The following KLHL8 variants were observed in gnomAD, a reference collection of about 807,000 sequenced individuals.
KLHL8 encodes the protein kelch like family member 8.
KLHL8 carries 38 observed loss-of-function variants against 63.5 expected under a neutral mutation model. The observed-to-expected ratio is 0.60, with a 90% CI of 0.46 to 0.78. The LOEUF (loss-of-function observed/expected upper bound fraction) is 0.78. Ranked by LOEUF, KLHL8 falls within the 30% of genes least tolerant of loss-of-function variation. KLHL8 has a pLI of 0.00. For synonymous variants in KLHL8, 224 were observed against 254.3 expected, an observed-to-expected ratio of 0.88 and a Z score of 1.13; for missense variants, 566 against 752.4, an observed-to-expected ratio of 0.75 and a Z score of 2.90.
At chr4:87,190,197 AAT>A (rs1319193354) in intron 2 of KLHL8, among the ~76,000 whole-genome samples, 1 of 152,148 alleles carries the variant, frequency 6.6e-6, no homozygotes, top group African/African-American at 2.4e-5. Flanking sequence ...CATCTTCTTT[AAT>A]ATCTTTTACT....
chr4:87,211,330 T>C (rs1398434004), intron 1 of KLHL8, among the ~76,000 whole-genome samples: 3 of 152,240 alleles, frequency 2.0e-5, no homozygotes, highest in African/African-American at 4.8e-5. Context: ...AAGTAGGCTA[T>C]ACTCATTATT....
chr4:87,198,967 C>T (rs2110020213), intron 1 of KLHL8, among the ~76,000 whole-genome samples: 1 of 152,262 alleles, frequency 6.6e-6, no homozygotes, highest in South Asian at 2.1e-4. Flanking sequence ...GTGAAGGAAA[C>T]ATAAGATCTA....
chr4:87,163,651 A>G lies in KLHL8; in HGVS notation c.1740-9T>C, dbSNP rs755419279. 2 of 1,611,678 alleles carry G rather than the reference A, an allele frequency of 1.2e-6. No individual in the cohort carries two copies. The highest frequency in any genetic ancestry group is 1.7e-6 in the Non-Finnish European group (2 of 1,179,408). ...ATCCAACAAGCTCCCACCTGAAAAG[A>G]CGGAGAAGAAAAAATGTTACAAAGC... On this transcript the variant is annotated splice_polypyrimidine_tract_variant and intron_variant, in intron 9 of 9. Coordinates refer to ENST00000273963, the MANE Select transcript of KLHL8 (RefSeq NM_020803.5).
intron 1 of KLHL8, among the ~76,000 whole-genome samples, chr4:87,233,112 T>C (rs886346452): frequency 6.6e-6 from 1 of 152,076 alleles, no homozygotes; most frequent in Non-Finnish European, 1.5e-5. Flanking sequence ...TGATCTTGGC[T>C]CACTGCAACC....
At chr4:87,175,175 CAAAAT>C (rs1388636326) in intron 6 of KLHL8, among the ~76,000 whole-genome samples, 2 of 152,116 alleles carry the variant, frequency 1.3e-5, no homozygotes, top group Non-Finnish European at 2.9e-5. Context: ...AACATCCACC[CAAAAT>C]AAATTTTTAA....
intron 2 of KLHL8, among the ~76,000 whole-genome samples, chr4:87,191,589 T>C (rs1314583591): frequency 2.0e-5 from 3 of 152,118 alleles, no homozygotes; most frequent in African/African-American, 2.4e-5. Flanking sequence ...TATATATACA[T>C]ATTTTGCTTT....
At chr4:87,228,159 A>G (rs1733067160) in intron 1 of KLHL8, among the ~76,000 whole-genome samples, 3 of 152,206 alleles carry the variant, frequency 2.0e-5, no homozygotes, top group Admixed American at 2.0e-4. Context: ...GGACCCTCTC[A>G]GATCTCACCC....
intron 8 of KLHL8, chr4:87,167,495 G>C (rs1258718902): frequency 1.9e-6 from 1 of 533,034 alleles, no homozygotes; most frequent in African/African-American, 1.9e-5. Context: ...GAGGCTGGGA[G>C]CAATTTACCA....
upstream of KLHL8, among the ~76,000 whole-genome samples, chr4:87,224,214 T>G (rs1317225835): frequency 6.6e-6 from 1 of 152,110 alleles, no homozygotes. Context: ...CCTCCCAAAG[T>G]GCTGGGATTA....
In KLHL8 at chr4:87,183,267, C is replaced by G; in HGVS notation, c.888G>C (p.Leu296Phe). The G allele has an allele frequency of 6.2e-7, 1 of 1,613,832 alleles. No individual in the cohort carries two copies. Among genetic ancestry groups the G allele is most frequent in the Non-Finnish European group, 8.5e-7 (1 of 1,179,854 alleles). ...LDEARNYHLH[L>F]SSRAVPDFEY... The stretch of plus-strand genomic sequence containing the variant: ...CAAAGTCAGGTACTGCTCTGCTACT[C>G]AAGTGAAGGTGGTAATTTCTTGCTT... Residue 296 changes from leucine (L) to phenylalanine (F), a missense_variant, in exon 4 of 10, where the codon TTG becomes TTC. Leu to Phe is a conservative substitution (Grantham distance 22, BLOSUM62 0). Coordinates refer to ENST00000273963, the MANE Select transcript of KLHL8 (RefSeq NM_020803.5).
intron 6 of KLHL8, among the ~76,000 whole-genome samples, chr4:87,172,056 G>A (rs954167862): frequency 1.3e-5 from 2 of 152,128 alleles, no homozygotes; most frequent in African/African-American, 4.8e-5. Flanking sequence ...TTACTCTCAT[G>A]ACTATGCTAC....
chr4:87,176,649 G>A, intron 6 of KLHL8, 108 bp downstream of exon 6: 1 of 652,780 alleles, frequency 1.5e-6, no homozygotes, highest in Middle Eastern at 3.4e-4. Flanking sequence ...TGTTTGAGAA[G>A]GTATTTAAAG....
At chr4:87,238,889 A>G (rs1733281279) in intron 1 of KLHL8, among the ~76,000 whole-genome samples, 1 of 152,166 alleles carries the variant, frequency 6.6e-6, no homozygotes, top group Non-Finnish European at 1.5e-5. Flanking sequence ...ATCTGCCTAT[A>G]TTTTATCATT....
intron 6 of KLHL8, among the ~76,000 whole-genome samples, chr4:87,175,254 A>T (rs933116693): frequency 2.6e-5 from 4 of 152,224 alleles, no homozygotes; most frequent in African/African-American, 9.6e-5. Context: ...CCCTACTTCA[A>T]CAATACATCT....
chr4:87,177,983 T>A (rs1198967671), intron 5 of KLHL8, among the ~76,000 whole-genome samples: 1 of 152,192 alleles, frequency 6.6e-6, no homozygotes, highest in Admixed American at 6.5e-5. Context: ...GGTGTTTGTG[T>A]TGCAAGTGGT....
chr4:87,228,114 C>T (rs1327301528), intron 1 of KLHL8, among the ~76,000 whole-genome samples: 2 of 152,158 alleles, frequency 1.3e-5, no homozygotes, highest in East Asian at 3.9e-4. Flanking sequence ...CACCTCCTGA[C>T]TCTATGAGGA....
At chr4:87,172,016 C>T (rs1730651785) in intron 6 of KLHL8, among the ~76,000 whole-genome samples, 1 of 152,142 alleles carries the variant, frequency 6.6e-6, no homozygotes, top group African/African-American at 2.4e-5. Flanking sequence ...TAAGATACTC[C>T]TCATCCCCCA....
chr4:87,198,086 A>C (rs1343962463), intron 1 of KLHL8, among the ~76,000 whole-genome samples: 1 of 151,702 alleles, frequency 6.6e-6, no homozygotes, highest in Non-Finnish European at 1.5e-5. Flanking sequence ...TGGGAGACCA[A>C]GGTGGGTGGC....
chr4:87,171,957 T>A (rs1360109590), intron 6 of KLHL8, among the ~76,000 whole-genome samples: 1 of 152,184 alleles, frequency 6.6e-6, no homozygotes, highest in African/African-American at 2.4e-5. Context: ...ACCTTAACTT[T>A]AATCTGAAAT....
Sources: gnomAD v4.1 joint callset for allele counts (sites outside exome capture counted in the v4.1 genomes callset) on GRCh38, gnomAD v4.1.1 for gene constraint, MANE v1.5 for transcripts, NCBI Gene and HGNC (gene_info 2026-07-23, HGNC 2026-07-21) for gene names.